BACE2: variants seen among roughly 807,000 people sequenced by gnomAD.
BACE2 encodes the protein beta-secretase 2.
A neutral mutation model predicts 46.2 loss-of-function variants in BACE2; 17 were observed. That is an observed-to-expected ratio of 0.37 (90% CI 0.25 to 0.55). The LOEUF (loss-of-function observed/expected upper bound fraction) is 0.55. BACE2 is among the 20% of genes least tolerant of loss of function. The pLI is 0.82. For synonymous variants in BACE2, 277 were observed against 295.9 expected, an observed-to-expected ratio of 0.94 and a Z score of 0.66; for missense variants, 595 against 698.1, an observed-to-expected ratio of 0.85 and a Z score of 1.66.
At chr21:41,236,429 CA>C (rs1321138776) in intron 2 of BACE2, among the ~76,000 whole-genome samples, 2 of 152,212 alleles carry the variant, frequency 1.3e-5, no homozygotes, top group South Asian at 2.1e-4. Context: ...CTCCTCACTG[CA>C]GCATAAACTG....
chr21:41,177,150 T>A (rs919919170), intron 1 of BACE2: 5 of 152,246 alleles, frequency 3.3e-5, no homozygotes, highest in African/African-American at 1.2e-4. Flanking sequence ...TGTTTTGCCC[T>A]CTGGAGTAAT....
In BACE2 at chr21:41,245,963, A is replaced by G; in HGVS notation, c.884A>G (p.Tyr295Cys). The stretch of plus-strand genomic sequence containing the variant: ...TTTCCCTTTCTCTCCCGGTTCAAGT[A>G]TAACGCAGACAAGGCCATCGTGGAC... ...GQSLNLDCREYNADKAIVDSG... is the reference protein window; with the variant it reads ...GQSLNLDCRECNADKAIVDSG... Residue 295 changes from tyrosine (Y) to cysteine (C), a missense_variant and splice_region_variant, in exon 6 of 9, where the codon TAT (tyrosine) becomes TGT (cysteine). By Grantham distance (194) the Tyr-to-Cys change is radical (BLOSUM62 -2). Coordinates refer to ENST00000330333, the MANE Select transcript of BACE2 (RefSeq NM_012105.5). 4 of 1,607,174 alleles carry G rather than the reference A, an allele frequency of 2.5e-6. No individual in the cohort carries two copies. The highest frequency in any genetic ancestry group is 3.4e-6 in the Non-Finnish European group (4 of 1,176,600).
At chr21:41,219,025 G>A (rs986389542) in intron 1 of BACE2, among the ~76,000 whole-genome samples, 16 of 152,100 alleles carry the variant, frequency 1.1e-4, no homozygotes, top group Admixed American at 7.2e-4. Context: ...ACCACACCCG[G>A]CTAATTTTTG....
At chr21:41,273,133 A>T (rs2088450369) in intron 8 of BACE2, among the ~76,000 whole-genome samples, 1 of 152,180 alleles carries the variant, frequency 6.6e-6, no homozygotes, top group Non-Finnish European at 1.5e-5. Context: ...GGTCACAGAG[A>T]TCACATACTT....
At chr21:41,170,888 A>C (rs11910660) in intron 1 of BACE2, among the ~76,000 whole-genome samples, 1 of 152,202 alleles carries the variant, frequency 6.6e-6, no homozygotes, top group Admixed American at 6.5e-5. Context: ...CTTTCCCAGG[A>C]ATCCCCACCC....
At chr21:41,257,348 C>A (rs750602181) in intron 8 of BACE2, 22 bp downstream of exon 8, 5 of 1,609,778 alleles carry the variant, frequency 3.1e-6, no homozygotes, top group Non-Finnish European at 4.2e-6. Context: ...TGGCATCGAA[C>A]AGGGATCCCC....
chr21:41,227,521 A>G (rs181200146), intron 2 of BACE2, among the ~76,000 whole-genome samples: 140 of 152,334 alleles, frequency 9.2e-4, no homozygotes, highest in African/African-American at 3.0e-3. Flanking sequence ...GAAACCCTGT[A>G]TATCTATGCT....
chr21:41,235,039 C>T (rs1195673950), intron 2 of BACE2, among the ~76,000 whole-genome samples: 1 of 152,190 alleles, frequency 6.6e-6, no homozygotes. Flanking sequence ...AAGTTAGAAT[C>T]AGCTGTTTCC....
At chr21:41,174,709 C>T (rs1328107442) in intron 1 of BACE2, among the ~76,000 whole-genome samples, 1 of 152,120 alleles carries the variant, frequency 6.6e-6, no homozygotes, top group East Asian at 1.9e-4. Context: ...GGTGGTGGTC[C>T]TCCTTGCTGG....
At chr21:41,257,785 C>G (rs1356056600) in intron 8 of BACE2, among the ~76,000 whole-genome samples, 3 of 152,154 alleles carry the variant, frequency 2.0e-5, no homozygotes, top group African/African-American at 7.2e-5. Context: ...CCCTGTTTCT[C>G]GTGGGATTCC....
At chr21:41,255,917 C>A (rs950457162) in intron 7 of BACE2, among the ~76,000 whole-genome samples, 1 of 152,168 alleles carries the variant, frequency 6.6e-6, no homozygotes, top group Non-Finnish European at 1.5e-5. Context: ...TATTTTAACC[C>A]CAAATATATT....
At chr21:41,234,325 C>G (rs961566785) in intron 2 of BACE2, among the ~76,000 whole-genome samples, 1 of 152,170 alleles carries the variant, frequency 6.6e-6, no homozygotes, top group African/African-American at 2.4e-5. Flanking sequence ...CTTAGGTATG[C>G]CTTTATCACA....
intron 8 of BACE2, 80 bp downstream of exon 8, chr21:41,257,406 T>A: frequency 2.0e-6 from 3 of 1,475,544 alleles, no homozygotes; most frequent in Non-Finnish European, 2.8e-6. Context: ...CAATTCTTGA[T>A]GGCAACTCAA....
At chr21:41,196,367 A>T (rs1380701651) in intron 1 of BACE2, among the ~76,000 whole-genome samples, 6 of 152,120 alleles carry the variant, frequency 3.9e-5, no homozygotes, top group African/African-American at 1.2e-4. Context: ...AGTCTATACA[A>T]ACATTACACT....
intron 2 of BACE2, among the ~76,000 whole-genome samples, chr21:41,234,983 G>A (rs769882039): frequency 1.3e-5 from 2 of 152,126 alleles, no homozygotes; most frequent in Non-Finnish European, 2.9e-5. Flanking sequence ...AAGATAGTAG[G>A]CAAATATTAA....
In BACE2 at chr21:41,168,458, G is replaced by A. The variant is rs775739881; in HGVS notation, c.195G>A (p.Glu65=). 2.9e-6 allele frequency: 4 copies of A among 1,397,984 alleles called. No homozygotes were observed. The Admixed American group carries it at 9.9e-5, about 35-fold the overall frequency. 86.6% of individuals were successfully genotyped at this position (1,397,984 alleles called of 1,614,324 possible). Residue 65 remains glutamate (E), a synonymous_variant, in exon 1 of 9, where the codon GAG becomes GAA. Transcript: ENST00000330333. ...CCGACGGCTTGGCGCTCGCCCTGGA[G>A]CCTGCCCTGGCGTCCCCCGCGGGCG... ...RHADGLALAL[E]PALASPAGAA...
Position 41,246,055 on chromosome 21 carries a change from G to T in BACE2, c.976G>T (p.Ala326Ser). ...TGCGGTGGTGGAAGCTGTGGCCCGC[G>T]CATCTCTGGTGAGTCCTCGGGACAC... ...FDAVVEAVARASLIPEFSDGF... is the reference protein window; with the variant it reads ...FDAVVEAVARSSLIPEFSDGF... Residue 326 changes from alanine to serine, a missense_variant, in exon 6 of 9, where the codon GCA (alanine) becomes TCA (serine). By Grantham distance (99) the Ala-to-Ser change is moderately conservative (BLOSUM62 1). Coordinates refer to ENST00000330333, the MANE Select transcript of BACE2 (RefSeq NM_012105.5). 1.2e-6 allele frequency: 2 copies of T among 1,601,262 alleles called. No individual in the cohort carries two copies. Among genetic ancestry groups the T allele is most frequent in the Non-Finnish European group, 1.7e-6 (2 of 1,173,752 alleles).
chr21:41,187,111 C>A (rs1985406132), intron 1 of BACE2, among the ~76,000 whole-genome samples: 2 of 152,154 alleles, frequency 1.3e-5, no homozygotes, highest in African/African-American at 4.8e-5. Flanking sequence ...GAGTGTGTGT[C>A]ATGGAGGAGG....
intron 3 of BACE2, 79 bp from the exon 4 acceptor site, chr21:41,241,740 C>T (rs762705318): frequency 2.0e-5 from 31 of 1,515,152 alleles, no homozygotes; most frequent in African/African-American, 2.8e-5. Flanking sequence ...ATGTCTGTGG[C>T]GCGTGGCGTC....
Sources: allele counts gnomAD v4.1 joint callset (sites outside exome capture counted in the v4.1 genomes callset), GRCh38; gene constraint gnomAD v4.1.1; transcripts MANE v1.5; gene names NCBI Gene and HGNC (gene_info 2026-07-23, HGNC 2026-07-21).